The following DIP2B variants were observed in gnomAD, a reference collection of about 807,000 sequenced individuals.
DIP2B encodes DIP2 acetate--CoA ligase B (putative).
DIP2B carries 76 observed loss-of-function variants against 198.0 expected under a neutral mutation model. The observed-to-expected ratio is 0.38, with a 90% CI of 0.32 to 0.46. DIP2B has a LOEUF of 0.46. Among genes scored for constraint, DIP2B ranks in the 20% least tolerant of loss-of-function variants. The pLI is 0.99. For missense variants in DIP2B, 1,559 were observed against 1,978.4 expected (o/e 0.79, Z 4.02); for synonymous variants, 701 against 739.1 (o/e 0.95, Z 0.84).
intron 10 of DIP2B, 130 bp from the exon 11 acceptor site, chr12:50,685,703 A>G: frequency 9.7e-7 from 1 of 1,030,972 alleles, no homozygotes; most frequent in Non-Finnish European, 1.3e-6. Context: ...GATTTTGACA[A>G]TTGCCAGATA....
At chr12:50,571,321 G>A (rs576438503) in intron 1 of DIP2B, among the ~76,000 whole-genome samples, 9 of 151,944 alleles carry the variant, frequency 5.9e-5, no homozygotes, top group Middle Eastern at 3.4e-3. Flanking sequence ...ACGGGTGTGC[G>A]CCACCATGCC....
intron 1 of DIP2B, among the ~76,000 whole-genome samples, chr12:50,556,135 T>C (rs1447273586): frequency 6.6e-6 from 1 of 152,108 alleles, no homozygotes; most frequent in Non-Finnish European, 1.5e-5. Flanking sequence ...CTGTAAGCTC[T>C]GCCTCCTGGG....
rs1565865678 is a variant in DIP2B at position 50,671,252 on chromosome 12, A to G, written c.494A>G (p.Gln165Arg). 3 of 1,614,180 alleles carry G rather than the reference A, an allele frequency of 1.9e-6. No individual in the cohort carries two copies. The highest frequency in any genetic ancestry group is 1.7e-5 in the Admixed American group (1 of 60,012). The change falls in exon 5 of 38, where the codon CAA becomes CGA. Residue 165 changes from glutamine (Q) to arginine (R), a missense_variant. Physicochemically the swap from Gln to Arg is conservative, Grantham distance 43. Coordinates refer to ENST00000301180, the MANE Select transcript of DIP2B (RefSeq NM_173602.3). ...RRQAALSAAL[Q>R]QSLQNAESWI... Reference sequence around the variant, plus strand: ...CAAGCTGCGCTCTCTGCTGCCTTGCAACAGAGCTTACAGAATGCTGAGTCC... The same window carrying G: ...CAAGCTGCGCTCTCTGCTGCCTTGCGACAGAGCTTACAGAATGCTGAGTCC...
At chr12:50,742,272 C>T (rs558136140) in intron 37 of DIP2B, among the ~76,000 whole-genome samples, 1 of 151,776 alleles carries the variant, frequency 6.6e-6, no homozygotes, top group African/African-American at 2.4e-5. Flanking sequence ...GGTGGCATGC[C>T]TGTAGTCCCA....
rs1459244055 is a variant in DIP2B at position 50,505,267 on chromosome 12, C to T, written c.100+27C>T. On this transcript the variant is annotated intron_variant, in intron 1 of 37. Coordinates refer to ENST00000301180, the MANE Select transcript of DIP2B (RefSeq NM_173602.3). ...TAGGAGCCGGGCCGGGGAGAGGGCG[C>T]CCGGGGCCCTGCGGATCGCGGCGAC... 2.7e-6 allele frequency: 4 copies of T among 1,459,010 alleles called. No individual in the cohort carries two copies. In the African/African-American group the frequency reaches 6.0e-5, roughly 22 times the overall value. 90.4% of individuals were successfully genotyped at this position (1,459,010 alleles called of 1,614,324 possible). A position where few individuals can be genotyped will look rare whatever the true frequency, so the allele number is the denominator to read the frequency against.
intron 21 of DIP2B, among the ~76,000 whole-genome samples, chr12:50,707,718 A>C (rs1939539358): frequency 6.6e-6 from 1 of 151,730 alleles, no homozygotes; most frequent in African/African-American, 2.4e-5. Flanking sequence ...AGAAAAACAC[A>C]TGGGGGTGGG....
Position 50,714,475 on chromosome 12 carries a change from A to G in DIP2B, c.2730A>G (p.Gly910=). 1 of 1,614,220 alleles carries G rather than the reference A, an allele frequency of 6.2e-7. No individual in the cohort carries two copies. Among genetic ancestry groups the G allele is most frequent in the Non-Finnish European group, 8.5e-7 (1 of 1,180,052 alleles). ...PANTLPKTPL[G]GIHISQTKQL... is the part of the protein sequence containing the mutation. ...ATACATTGCCAAAAACTCCACTAGGAGGAATCCATATATCTCAGACGAAAC... is the reference window on the plus strand; with the variant it reads ...ATACATTGCCAAAAACTCCACTAGGGGGAATCCATATATCTCAGACGAAAC... The change falls in exon 23 of 38, where the codon GGA becomes GGG. Residue 910 remains glycine (G), a synonymous_variant. Transcript: ENST00000301180.
chr12:50,552,741 T>C (rs1210590042), intron 1 of DIP2B, among the ~76,000 whole-genome samples: 7 of 152,158 alleles, frequency 4.6e-5, no homozygotes, highest in African/African-American at 1.7e-4. Context: ...AAATCCAGTA[T>C]TATTAAGCTT....
At chr12:50,520,675 C>A (rs1958109311) in intron 1 of DIP2B, among the ~76,000 whole-genome samples, 2 of 152,144 alleles carry the variant, frequency 1.3e-5, no homozygotes, top group Admixed American at 1.3e-4. Flanking sequence ...ACCCCTATAT[C>A]ATAGCTATTT....
At chr12:50,527,659 A>G (rs986014457) in intron 1 of DIP2B, among the ~76,000 whole-genome samples, 1 of 152,200 alleles carries the variant, frequency 6.6e-6, no homozygotes, top group Non-Finnish European at 1.5e-5. Context: ...GCAGTGAACT[A>G]TGATCGTGCC....
chr12:50,532,318 C>G (rs1958225596), intron 1 of DIP2B, among the ~76,000 whole-genome samples: 1 of 151,990 alleles, frequency 6.6e-6, no homozygotes, highest in South Asian at 2.1e-4. Context: ...AGTTCCAGAC[C>G]AGTCTGGCCA....
At chr12:50,743,371 G>A (rs546019866) in intron 37 of DIP2B, among the ~76,000 whole-genome samples, 28 of 152,150 alleles carry the variant, frequency 1.8e-4, no homozygotes, top group Admixed American at 5.2e-4. Context: ...GTGAGCCACC[G>A]CACCCAACTG....
intron 12 of DIP2B, among the ~76,000 whole-genome samples, chr12:50,690,046 A>G (rs546459072): frequency 1.3e-5 from 2 of 149,910 alleles, no homozygotes; most frequent in South Asian, 2.1e-4. Flanking sequence ...CTCCTATTCT[A>G]CTCTTTCTCC....
intron 1 of DIP2B, among the ~76,000 whole-genome samples, chr12:50,609,616 T>C (rs1407527674): frequency 6.6e-6 from 1 of 152,240 alleles, no homozygotes. Context: ...ATCTGGAAGT[T>C]GCACACATTC....
Position 50,678,858 on chromosome 12 carries a change from G to C in DIP2B, c.1096G>C (p.Val366Leu). 3 of 1,614,164 alleles carry C rather than the reference G, an allele frequency of 1.9e-6. No homozygotes were observed. The highest frequency in any genetic ancestry group is 2.5e-6 in the Non-Finnish European group (3 of 1,180,026). The change falls in exon 8 of 38, where the codon GTT (valine) becomes CTT (leucine). Residue 366 changes from valine to leucine, a missense_variant. Physicochemically the swap from Val to Leu is conservative, Grantham distance 32. Transcript: ENST00000301180. ...TGCACTGGACATGACAGGGAAACCAGTTTACACTCTTACATATGGTGAGTC... is the reference window on the plus strand; with the variant it reads ...TGCACTGGACATGACAGGGAAACCACTTTACACTCTTACATATGGTGAGTC... ...LTALDMTGKP[V>L]YTLTYGKLWS...
intron 1 of DIP2B, among the ~76,000 whole-genome samples, chr12:50,581,204 C>T (rs1043659192): frequency 4.0e-5 from 6 of 149,374 alleles, no homozygotes; most frequent in African/African-American, 1.5e-4. Flanking sequence ...ATTTCTGGCC[C>T]AATTGAGACT....
chr12:50,612,222 G>A (rs992947452), intron 1 of DIP2B, among the ~76,000 whole-genome samples: 2 of 152,050 alleles, frequency 1.3e-5, no homozygotes, highest in African/African-American at 4.8e-5. Context: ...ACTCCAGCCT[G>A]GGCCACAGAG....
chr12:50,649,960 A>T (rs1938424966), intron 3 of DIP2B, among the ~76,000 whole-genome samples: 1 of 152,074 alleles, frequency 6.6e-6, no homozygotes, highest in Non-Finnish European at 1.5e-5. Flanking sequence ...TGTAATCCCA[A>T]CACTTTGGAA....
At position 50,718,704 on chromosome 12, in the gene DIP2B, T is replaced by C. The variant is rs1199771233; in HGVS notation, c.2852-5T>C. The C allele has an allele frequency of 6.2e-7, 1 of 1,613,838 alleles. No individual in the cohort carries two copies. The highest frequency in any genetic ancestry group is 8.5e-7 in the Non-Finnish European group (1 of 1,179,774). Reference sequence around the variant, plus strand: ...CAGTGAGTTGGGTTTTGCATTTATTTACAGGTGTAGGCCCTGCTTCCGTGA... The same window carrying C: ...CAGTGAGTTGGGTTTTGCATTTATTCACAGGTGTAGGCCCTGCTTCCGTGA... On this transcript the variant is annotated splice_region_variant and splice_polypyrimidine_tract_variant and intron_variant, in intron 23 of 37. Coordinates refer to ENST00000301180, the MANE Select transcript of DIP2B (RefSeq NM_173602.3).
Sources: gnomAD v4.1 joint callset for allele counts (sites outside exome capture counted in the v4.1 genomes callset) on GRCh38, gnomAD v4.1.1 for gene constraint, MANE v1.5 for transcripts, NCBI Gene and HGNC (gene_info 2026-07-23, HGNC 2026-07-21) for gene names.